Variants in MICAL2 observed in about 807,000 individuals in gnomAD.
The protein encoded by MICAL2 is [F-actin]-monooxygenase MICAL2.
MICAL2 carries 77 observed loss-of-function variants against 127.3 expected under a neutral mutation model. The observed-to-expected ratio is 0.60, with a 90% confidence interval of 0.50 to 0.73. MICAL2 has a LOEUF of 0.73. Among genes scored for constraint, MICAL2 ranks in the 30% least tolerant of loss-of-function variants. The pLI is 0.00. For synonymous variants in MICAL2, 570 were observed against 551.1 expected (o/e 1.03, Z -0.48); for missense variants, 1,351 against 1,434.4 (o/e 0.94, Z 0.94).
chr11:12,303,410 T>A (rs529071054), intron 29 of MICAL2: 2 of 152,344 alleles, frequency 1.3e-5, no homozygotes, highest in African/African-American at 4.8e-5. Context: ...AAAATTTTAA[T>A]TAATTTAAAT....
intron 1 of MICAL2, among the ~76,000 whole-genome samples, chr11:12,121,264 T>C (rs1850485857): frequency 6.6e-6 from 1 of 152,094 alleles, no homozygotes; most frequent in African/African-American, 2.4e-5. Context: ...CAAGGTCAAT[T>C]TGAGGGGAAT....
chr11:12,232,126 G>A (rs896273828), intron 15 of MICAL2, among the ~76,000 whole-genome samples: 1 of 152,222 alleles, frequency 6.6e-6, no homozygotes, highest in African/African-American at 2.4e-5. Context: ...CTTAGTAAAT[G>A]ATAGTTCTTT....
At chr11:12,283,655 A>G (rs573791725) in intron 2 of MICAL2, among the ~76,000 whole-genome samples, 2 of 152,228 alleles carry the variant, frequency 1.3e-5, no homozygotes, top group African/African-American at 2.4e-5. Flanking sequence ...GCTGCACAGC[A>G]GGGTAAGTGT....
chr11:12,165,047 G>A (rs1160717367), intron 3 of MICAL2, among the ~76,000 whole-genome samples: 1 of 150,540 alleles, frequency 6.6e-6, no homozygotes, highest in Non-Finnish European at 1.5e-5. Context: ...GCTGAGGCAG[G>A]AGAATCACTT....
At chr11:12,137,680 G>C (rs1260691323) in intron 1 of MICAL2, among the ~76,000 whole-genome samples, 1 of 152,110 alleles carries the variant, frequency 6.6e-6, no homozygotes, top group African/African-American at 2.4e-5. Context: ...TATGAATATT[G>C]CCTCTTATAG....
intron 32 of MICAL2, among the ~76,000 whole-genome samples, chr11:12,344,585 C>T (rs1284629157): frequency 6.7e-6 from 1 of 149,272 alleles, no homozygotes; most frequent in Non-Finnish European, 1.5e-5. Flanking sequence ...ACTGCAACCT[C>T]CGCCTCCCAG....
intron 30 of MICAL2, among the ~76,000 whole-genome samples, chr11:12,321,348 C>G (rs6485656): frequency 0.23 from 34,837 of 152,062 alleles, 4,484 homozygotes; most frequent in East Asian, 0.44. Flanking sequence ...TCTTCTATCC[C>G]ATGCAGGTGT....
chr11:12,239,722 C>A, intron 17 of MICAL2, 137 bp downstream of exon 17: 1 of 1,042,756 alleles, frequency 9.6e-7, no homozygotes, highest in South Asian at 1.7e-5. Context: ...GATCAGGAGT[C>A]AACAGACTTT....
At position 12,220,429 on chromosome 11, in the gene MICAL2, G is replaced by T. The variant is rs150662088; in HGVS notation, c.1177G>T (p.Val393Leu). Residue 393 changes from valine to leucine, a missense_variant, in exon 9 of 28, where the codon GTG (valine) becomes TTG (leucine). Transcript: ENST00000683283. ...GGAGCGGCAGGCGCACCAGCTGCTCGTGGCCCTTGTGGGTGACAGCTTGCT... is the reference window on the plus strand; with the variant it reads ...GGAGCGGCAGGCGCACCAGCTGCTCTTGGCCCTTGTGGGTGACAGCTTGCT... ...VRERQAHQLL[V>L]ALVGDSLLEP... The T allele has an allele frequency of 6.2e-7, 1 of 1,611,150 alleles. No individual in the cohort carries two copies. Among genetic ancestry groups the T allele is most frequent in the South Asian group, 1.1e-5 (1 of 91,050 alleles).
chr11:12,242,660 C>A lies in MICAL2; in HGVS notation c.2557-11C>A. 6.2e-7 allele frequency: 1 copy of A among 1,605,732 alleles called. No individual in the cohort carries two copies. The highest frequency in any genetic ancestry group is 8.5e-7 in the Non-Finnish European group (1 of 1,173,704). On this transcript the variant is annotated splice_polypyrimidine_tract_variant and intron_variant, in intron 19 of 27. Transcript: ENST00000683283. ...CTCTCTTTTCTTTCTCCTTTCTCAC[C>A]TTCACTGCAGAAGAGGGCTCAGAAC...
chr11:12,127,048 A>G (rs1850983637), intron 1 of MICAL2, among the ~76,000 whole-genome samples: 1 of 152,192 alleles, frequency 6.6e-6, no homozygotes, highest in Non-Finnish European at 1.5e-5. Context: ...GAGGCTAGGC[A>G]GGTGAGTTTA....
chr11:12,315,904 G>A (rs1864226764), intron 29 of MICAL2, among the ~76,000 whole-genome samples: 1 of 151,736 alleles, frequency 6.6e-6, no homozygotes, highest in Admixed American at 6.6e-5. Context: ...ATGTATTTTG[G>A]AGCTCTGTAA....
chr11:12,251,201 A>C (rs1359527250), intron 22 of MICAL2, among the ~76,000 whole-genome samples: 1 of 150,266 alleles, frequency 6.7e-6, no homozygotes, highest in African/African-American at 2.5e-5. Context: ...AAAAAGAAAA[A>C]ACCTGTCATT....
intron 6 of MICAL2, among the ~76,000 whole-genome samples, chr11:12,211,209 A>G (rs1454637985): frequency 2.0e-5 from 3 of 152,068 alleles, no homozygotes; most frequent in Admixed American, 6.5e-5. Flanking sequence ...GTGAAACCCC[A>G]TCTCTACTAA....
chr11:12,346,555 TTCCCCTCCTC>T (rs1203041741), intron 32 of MICAL2, among the ~76,000 whole-genome samples: 3 of 152,240 alleles, frequency 2.0e-5, no homozygotes, highest in Non-Finnish European at 4.4e-5. Context: ...TGCCTTGTTC[TTCCCCTCCTC>T]TCCCTGGCAA....
At chr11:12,287,980 C>T (rs139746670), downstream of MICAL2, among the ~76,000 whole-genome samples, 495 of 152,312 alleles carry the variant, frequency 3.2e-3, 2 homozygotes, top group Middle Eastern at 0.02. Flanking sequence ...GGGTTTCTAC[C>T]AAGAAACGTT....
chr11:12,343,914 G>T (rs536332232), intron 32 of MICAL2, among the ~76,000 whole-genome samples: 1 of 152,274 alleles, frequency 6.6e-6, no homozygotes, highest in South Asian at 2.1e-4. Context: ...GAGCTGTAAG[G>T]CCAGGTGAAA....
intron 3 of MICAL2, among the ~76,000 whole-genome samples, chr11:12,165,973 G>A (rs1855465217): frequency 6.6e-6 from 1 of 152,184 alleles, no homozygotes; most frequent in Non-Finnish European, 1.5e-5. Flanking sequence ...AAGAATGAGG[G>A]TGAACTGAGG....
chr11:12,150,661 G>C (rs1853474653), intron 2 of MICAL2, among the ~76,000 whole-genome samples: 2 of 152,126 alleles, frequency 1.3e-5, no homozygotes, highest in Non-Finnish European at 2.9e-5. Flanking sequence ...ATATCCTCCA[G>C]ACTAATTACT....
Sources: gnomAD v4.1 joint callset for allele counts (sites outside exome capture counted in the v4.1 genomes callset) on GRCh38, gnomAD v4.1.1 for gene constraint, MANE v1.5 for transcripts, NCBI Gene and HGNC (gene_info 2026-07-23, HGNC 2026-07-21) for gene names.